Variants in RIMS2 observed in about 807,000 individuals in gnomAD.
RIMS2 encodes the protein regulating synaptic membrane exocytosis protein 2.
RIMS2 carries 59 observed loss-of-function variants against 174.4 expected under a neutral mutation model. That is an observed-to-expected ratio of 0.34 (90% CI 0.27 to 0.42). The LOEUF is 0.42. Among genes scored for constraint, RIMS2 ranks in the 10% least tolerant of loss-of-function variants. The pLI, the probability that RIMS2 is intolerant of heterozygous loss-of-function variation, is 1.00. For synonymous variants in RIMS2, 606 were observed against 572.5 expected (o/e 1.06, Z -0.84); for missense variants, 1,620 against 1,666.3 (o/e 0.97, Z 0.48).
chr8:103,603,253 T>C (rs1162235107), intron 1 of RIMS2, among the ~76,000 whole-genome samples: 1 of 150,878 alleles, frequency 6.6e-6, no homozygotes, highest in Non-Finnish European at 1.5e-5. Context: ...CGGTGTTTGG[T>C]TTTTTGTTCT....
At position 103,787,215 on chromosome 8, in the gene RIMS2, C is replaced by G. The variant is rs1164953655; in HGVS notation, c.698+20678C>G. 4.0e-5 allele frequency among the ~76,000 whole-genome samples: 6 copies of G among 150,270 alleles called. No homozygotes were observed. The South Asian group carries it at 1.3e-3, about 32-fold the overall frequency. ...AATACAGCACACTGATGGGTCTTGACTCTTTATCCAATTTGCCAGTCTGTG... is the reference window on the plus strand; with the variant it reads ...AATACAGCACACTGATGGGTCTTGAGTCTTTATCCAATTTGCCAGTCTGTG... On this transcript the variant is annotated intron_variant, in intron 3 of 23. Transcript: ENST00000504942.
intron 1 of RIMS2, among the ~76,000 whole-genome samples, chr8:103,507,783 G>A (rs1824400992): frequency 1.3e-5 from 2 of 152,026 alleles, no homozygotes; most frequent in Admixed American, 1.3e-4. Context: ...AAATTTGGCT[G>A]TAAAAGTGAT....
intron 19 of RIMS2, among the ~76,000 whole-genome samples, chr8:104,183,775 G>T (rs2098953304): frequency 6.6e-6 from 1 of 151,416 alleles, no homozygotes; most frequent in South Asian, 2.1e-4. Context: ...ACTGTTTGAG[G>T]TTAAATAAAA....
At chr8:104,124,749 TTG>T (rs2098414847) in intron 19 of RIMS2, among the ~76,000 whole-genome samples, 1 of 152,164 alleles carries the variant, frequency 6.6e-6, no homozygotes, top group Non-Finnish European at 1.5e-5. Context: ...CCCAGATGCC[TTG>T]GAGAATGTCC....
At chr8:104,244,648 T>C (rs2099320734) in intron 19 of RIMS2, among the ~76,000 whole-genome samples, 1 of 152,250 alleles carries the variant, frequency 6.6e-6, no homozygotes, top group South Asian at 2.1e-4. Flanking sequence ...TGAATCTTTT[T>C]GTTTCTTATA....
At chr8:103,769,572 C>T (rs2154426862) in intron 3 of RIMS2, among the ~76,000 whole-genome samples, 1 of 152,282 alleles carries the variant, frequency 6.6e-6, no homozygotes, top group South Asian at 2.1e-4. Context: ...ATGATCCACC[C>T]ACCTCGGCCT....
intron 14 of RIMS2, among the ~76,000 whole-genome samples, chr8:103,953,207 G>A (rs949536930): frequency 1.7e-4 from 26 of 151,898 alleles, no homozygotes; most frequent in African/African-American, 6.0e-4. Flanking sequence ...AACTTCCCCA[G>A]CCTGGCAAGG....
At chr8:103,877,609 T>A (rs1008367516) in intron 3 of RIMS2, among the ~76,000 whole-genome samples, 2 of 151,988 alleles carry the variant, frequency 1.3e-5, no homozygotes, top group South Asian at 4.1e-4. Flanking sequence ...TTTATACAAA[T>A]CCCATTCTGT....
At chr8:103,933,780 T>G (rs2080570304) in intron 12 of RIMS2, among the ~76,000 whole-genome samples, 1 of 152,198 alleles carries the variant, frequency 6.6e-6, no homozygotes, top group Non-Finnish European at 1.5e-5. Flanking sequence ...TCTTAACAAT[T>G]TTTTATTTGT....
intron 12 of RIMS2, among the ~76,000 whole-genome samples, chr8:103,933,240 C>G (rs910366304): frequency 2.0e-5 from 3 of 149,628 alleles, no homozygotes; most frequent in African/African-American, 7.4e-5. Flanking sequence ...TTGCAGTGAG[C>G]CGAGATCGCA....
At chr8:104,227,452 T>C (rs930858340) in intron 19 of RIMS2, among the ~76,000 whole-genome samples, 28 of 152,120 alleles carry the variant, frequency 1.8e-4, no homozygotes, top group African/African-American at 6.3e-4. Context: ...TATTACTATG[T>C]GTAGAGTTTT....
At chr8:103,598,163 C>T (rs1369285796) in intron 1 of RIMS2, among the ~76,000 whole-genome samples, 1 of 152,130 alleles carries the variant, frequency 6.6e-6, no homozygotes, top group Non-Finnish European at 1.5e-5. Flanking sequence ...TGGATCTGAA[C>T]TAAATCAGAT....
At chr8:104,246,469 C>T (rs1304764607) in intron 20 of RIMS2, among the ~76,000 whole-genome samples, 1 of 151,854 alleles carries the variant, frequency 6.6e-6, no homozygotes, top group Non-Finnish European at 1.5e-5. Context: ...CCCCATCTCC[C>T]CAAAAATAAA....
intron 19 of RIMS2, among the ~76,000 whole-genome samples, chr8:104,200,044 G>A (rs2099046532): frequency 1.3e-5 from 2 of 152,194 alleles, no homozygotes; most frequent in Non-Finnish European, 2.9e-5. Context: ...CTAAGAGCAT[G>A]AGGAATCAAA....
intron 3 of RIMS2, among the ~76,000 whole-genome samples, chr8:103,788,609 G>A (rs541782584): frequency 9.9e-5 from 15 of 152,088 alleles, no homozygotes; most frequent in African/African-American, 3.6e-4. Context: ...GGACCCACTC[G>A]AGGAGACAGT....
chr8:103,953,620 A>G (rs1188167802), intron 14 of RIMS2, among the ~76,000 whole-genome samples: 1 of 152,204 alleles, frequency 6.6e-6, no homozygotes, highest in African/African-American at 2.4e-5. Context: ...ATGGAAAGGA[A>G]CAACCGATAC....
At chr8:103,982,506 A>AG (rs58817086) in intron 16 of RIMS2, among the ~76,000 whole-genome samples, 1 of 151,596 alleles carries the variant, frequency 6.6e-6, no homozygotes, top group African/African-American at 2.4e-5. Flanking sequence ...AAAAAAAAAA[A>AG]TACTAGCAAA....
At position 103,949,901 on chromosome 8, in the gene RIMS2, C is replaced by G. The variant is rs539013817; in HGVS notation, c.2701+6975C>G. ...ATAAGCCTTTAGGCAAAATGATCAG[C>G]AAAGAAAGAAGACAAATTATCAATA... is the stretch of plus-strand genomic sequence containing the variant. On this transcript the variant is annotated intron_variant, in intron 14 of 23. Coordinates refer to ENST00000504942, the Ensembl canonical transcript of RIMS2. Among the ~76,000 whole-genome samples, 3 of 151,896 alleles carry G rather than the reference C, an allele frequency of 2.0e-5. No homozygotes were observed. In the South Asian group the frequency reaches 6.2e-4, roughly 32 times the overall value.
At position 104,171,904 on chromosome 8, in the gene RIMS2, A is replaced by G. The variant is rs1477295332; in HGVS notation, c.3335-73012A>G. On this transcript the variant is annotated intron_variant, in intron 19 of 23. Transcript: ENST00000504942. Reference sequence around the variant, plus strand: ...ATTTGATTCTCGGATATTTTATGTGATGCCTCTGGATGAGTTCCTTAGTTA... The same window carrying G: ...ATTTGATTCTCGGATATTTTATGTGGTGCCTCTGGATGAGTTCCTTAGTTA... Among the ~76,000 whole-genome samples the G allele has an allele frequency of 2.0e-5, 3 of 152,068 alleles. No individual in the cohort carries two copies. In the East Asian group the frequency reaches 5.8e-4, roughly 29 times the overall value.
Sources: allele counts gnomAD v4.1 joint callset (sites outside exome capture counted in the v4.1 genomes callset), GRCh38; gene constraint gnomAD v4.1.1; transcripts MANE v1.5; gene names NCBI Gene and HGNC (gene_info 2026-07-23, HGNC 2026-07-21).